The following XRCC5 variants were observed in gnomAD, a reference collection of about 807,000 sequenced individuals.
XRCC5 encodes DNA repair protein Ku80.
A neutral mutation model predicts 95.7 loss-of-function variants in XRCC5; 12 were observed. The ratio of observed to expected loss-of-function variants is 0.13; its 90% CI spans 0.08 to 0.20. The LOEUF (loss-of-function observed/expected upper bound fraction) is 0.20. Among genes scored for constraint, XRCC5 ranks in the 10% least tolerant of loss-of-function variants. XRCC5 has a pLI of 1.00. For synonymous variants in XRCC5, 281 were observed against 290.3 expected (o/e 0.97, Z 0.33); for missense variants, 595 against 873.9 (o/e 0.68, Z 4.02).
chr2:216,156,525 T>A (rs1226881272), intron 14 of XRCC5: 2 of 610,278 alleles, frequency 3.3e-6, no homozygotes, highest in Non-Finnish European at 6.5e-6. Context: ...ACTTCCTCCA[T>A]CACTTCAACA....
At position 216,127,682 on chromosome 2, in the gene XRCC5, A is replaced by T; in HGVS notation, c.937+8A>T. ...AAGAGGATATTATTCAAGGTATGTC[A>T]GTAAGAGTTTTCACTGTTGCCTAAA... On this transcript the variant is annotated splice_region_variant and intron_variant, in intron 8 of 20. Coordinates refer to ENST00000392132, the MANE Select transcript of XRCC5 (RefSeq NM_021141.4). The T allele has an allele frequency of 6.3e-7, 1 of 1,590,100 alleles. No homozygotes were observed. Among genetic ancestry groups the T allele is most frequent in the South Asian group, 1.2e-5 (1 of 86,366 alleles).
At chr2:216,148,768 T>G (rs529788542) in intron 14 of XRCC5, among the ~76,000 whole-genome samples, 2 of 152,270 alleles carry the variant, frequency 1.3e-5, no homozygotes, top group East Asian at 3.9e-4. Context: ...TGTATTTGGT[T>G]GTGCTATTGG....
intron 16 of XRCC5, among the ~76,000 whole-genome samples, chr2:216,173,053 A>T (rs1413378052): frequency 6.6e-6 from 1 of 152,156 alleles, no homozygotes; most frequent in South Asian, 2.1e-4. Flanking sequence ...TTGCTGGTAT[A>T]TAGAAATGAA....
chr2:216,178,434 A>C (rs568429608), intron 16 of XRCC5, among the ~76,000 whole-genome samples: 1 of 152,310 alleles, frequency 6.6e-6, no homozygotes, highest in Non-Finnish European at 1.5e-5. Context: ...TATTGTGATC[A>C]AGATGGTTAA....
At position 216,206,099 on chromosome 2, in the gene XRCC5, C is replaced by T. The variant is rs541541757; in HGVS notation, c.*897C>T. The T allele has an allele frequency of 6.6e-6, 1 of 152,314 alleles. No individual in the cohort carries two copies. The highest frequency in any genetic ancestry group is 1.9e-4 in the East Asian group (1 of 5,190). 9.4% of individuals were successfully genotyped at this position (152,314 alleles called of 1,614,324 possible). A position where few individuals can be genotyped will look rare whatever the true frequency, so the allele number is the denominator to read the frequency against. On this transcript the variant is annotated 3_prime_UTR_variant, in exon 21 of 21. Transcript: ENST00000392132. ...ATCTTTGTGGATGGTGTCTCCTTTA[C>T]TAAATAAGAAAATAACAAAGCCCTT...
chr2:216,114,837 A>G (rs1482805395), intron 2 of XRCC5, among the ~76,000 whole-genome samples: 1 of 152,204 alleles, frequency 6.6e-6, no homozygotes, highest in Admixed American at 6.5e-5. Flanking sequence ...TCGACCAATA[A>G]TGCCGAGTTG....
chr2:216,118,563 C>G (rs557497826), intron 4 of XRCC5, among the ~76,000 whole-genome samples: 1 of 152,144 alleles, frequency 6.6e-6, no homozygotes, highest in Non-Finnish European at 1.5e-5. Context: ...ATACCTCTTG[C>G]CTGTCAGGAA....
At chr2:216,188,208 A>G (rs1665202580) in intron 16 of XRCC5, among the ~76,000 whole-genome samples, 1 of 152,172 alleles carries the variant, frequency 6.6e-6, no homozygotes, top group Admixed American at 6.5e-5. Flanking sequence ...TTCATTGCCT[A>G]GCTAAAAAGC....
At chr2:216,150,046 AG>A (rs1688715107) in intron 14 of XRCC5, among the ~76,000 whole-genome samples, 1 of 152,228 alleles carries the variant, frequency 6.6e-6, no homozygotes, top group Non-Finnish European at 1.5e-5. Flanking sequence ...CCTTTCTACA[AG>A]GTTCTAAAAC....
chr2:216,157,539 A>T (rs1018929077), intron 14 of XRCC5, among the ~76,000 whole-genome samples: 2 of 146,974 alleles, frequency 1.4e-5, no homozygotes, highest in Admixed American at 6.8e-5. Context: ...GGCCAATACA[A>T]CTATTTTCTA....
At chr2:216,194,666 TA>T (rs1238025713) in intron 18 of XRCC5, among the ~76,000 whole-genome samples, 1 of 152,186 alleles carries the variant, frequency 6.6e-6, no homozygotes, top group Non-Finnish European at 1.5e-5. Context: ...AGCACCTTTA[TA>T]GTTTTAAAAA....
chr2:216,196,362 A>G (rs7587859), intron 19 of XRCC5, among the ~76,000 whole-genome samples: 4,647 of 152,262 alleles, frequency 0.031, 231 homozygotes, highest in African/African-American at 0.11. Context: ...ACTGAGCACC[A>G]TAGGCTTGAG....
intron 7 of XRCC5, among the ~76,000 whole-genome samples, chr2:216,126,752 T>C (rs1696905440): frequency 6.6e-6 from 1 of 152,218 alleles, no homozygotes; most frequent in African/African-American, 2.4e-5. Flanking sequence ...ATACATGATA[T>C]ATCTGTGAGA....
At chr2:216,191,301 A>G (rs530407048) in intron 17 of XRCC5, among the ~76,000 whole-genome samples, 3 of 152,300 alleles carry the variant, frequency 2.0e-5, no homozygotes, top group African/African-American at 7.2e-5. Context: ...CCTTAAAAAT[A>G]CTAGGTCACA....
intron 18 of XRCC5, among the ~76,000 whole-genome samples, chr2:216,193,100 G>C (rs1689649037): frequency 6.6e-6 from 1 of 152,142 alleles, no homozygotes; most frequent in Non-Finnish European, 1.5e-5. Context: ...TGGTTCCACA[G>C]CCCTTTGGTT....
intron 16 of XRCC5, among the ~76,000 whole-genome samples, chr2:216,172,469 C>CTTTTCTTTTTTTT (rs1553576428): frequency 9.3e-6 from 1 of 107,744 alleles, no homozygotes; most frequent in Non-Finnish European, 1.8e-5. Context: ...CTTTTCTTTT[C>CTTTTCTTTTTTTT]TTTTTTTTTT....
rs746493174 is a variant in XRCC5, at chr2:216,172,469, C to CTTTTTTTTTT, written c.1834+10429_1834+10438dup. ...AAACTTTAGCATCAGCTTTTCTTTT[C>CTTTTTTTTTT]TTTTTTTTTTTTTTTTTGAGACAAA... On this transcript the variant is annotated intron_variant, in intron 16 of 20. Transcript: ENST00000392132. 3.8e-3 allele frequency among the ~76,000 whole-genome samples: 407 copies of CTTTTTTTTTT among 107,676 alleles called. 41 individuals are homozygous for CTTTTTTTTTT. Among genetic ancestry groups the CTTTTTTTTTT allele is most frequent in the African/African-American group, 0.012 (308 of 25,436 alleles). The allele number at this position is 107,676 out of a possible 152,430, so 70.6% of individuals were successfully genotyped here.
At chr2:216,130,645 T>C (rs1696981392) in intron 8 of XRCC5, 2 of 374,300 alleles carry the variant, frequency 5.3e-6, no homozygotes, top group African/African-American at 4.2e-5. Context: ...TATGCTACTT[T>C]AAAAAATGTA....
intron 1 of XRCC5, among the ~76,000 whole-genome samples, chr2:216,109,983 G>C (rs1413152587): frequency 6.6e-6 from 1 of 152,178 alleles, no homozygotes; most frequent in Non-Finnish European, 1.5e-5. Context: ...CGCATTTATT[G>C]AAAGCCCACT....
Sources: gnomAD v4.1 joint callset for allele counts (sites outside exome capture counted in the v4.1 genomes callset) on GRCh38, gnomAD v4.1.1 for gene constraint, MANE v1.5 for transcripts, NCBI Gene and HGNC (gene_info 2026-07-23, HGNC 2026-07-21) for gene names.